Variants in MED27 observed in about 807,000 individuals in gnomAD.
The protein encoded by MED27 is mediator of RNA polymerase II transcription subunit 27.
In MED27, 30 loss-of-function variants were observed where a neutral mutation model predicts 38.2. That is an observed-to-expected ratio of 0.79 (90% confidence interval 0.59 to 1.07). The LOEUF (loss-of-function observed/expected upper bound fraction) is 1.07, where lower values mean the gene tolerates loss of function less well. Ranked by LOEUF, MED27 falls within the 50% of genes least tolerant of loss-of-function variation. The pLI, the probability that MED27 is intolerant of heterozygous loss-of-function variation, is 0.00. For missense variants in MED27, 289 were observed against 397.5 expected, an observed-to-expected ratio of 0.73 and a Z score of 2.32; for synonymous variants, 122 against 153.5, an observed-to-expected ratio of 0.79 and a Z score of 1.52.
chr9:131,911,452 C>T (rs921301486), intron 4 of MED27, among the ~76,000 whole-genome samples: 1 of 152,206 alleles, frequency 6.6e-6, no homozygotes. Context: ...CATGTGTCAG[C>T]TGTCACTGGT....
chr9:131,865,811 T>C (rs1780899258), intron 6 of MED27, among the ~76,000 whole-genome samples: 1 of 152,200 alleles, frequency 6.6e-6, no homozygotes, highest in South Asian at 2.1e-4. Flanking sequence ...TGACCAACAC[T>C]TAAAATTTAG....
intron 3 of MED27, among the ~76,000 whole-genome samples, chr9:131,993,087 T>C (rs1195217610): frequency 6.6e-6 from 1 of 152,184 alleles, no homozygotes; most frequent in Admixed American, 6.5e-5. Context: ...ATCTTTATTT[T>C]CATATGCAGG....
chr9:131,864,469 A>G (rs80328169), intron 6 of MED27, among the ~76,000 whole-genome samples: 11,918 of 152,224 alleles, frequency 0.078, 1,058 homozygotes, highest in East Asian at 0.39. Flanking sequence ...GGCGACAGAG[A>G]CCTGTCTCAA....
rs184731805 is a variant in MED27 at position 131,894,072 on chromosome 9, C to G, written c.574-80G>C. 397 of 1,001,304 alleles carry G rather than the reference C, an allele frequency of 4.0e-4. 5 individuals are homozygous for G. The Middle Eastern group carries it at 7.9e-3, about 20-fold the overall frequency. 62.0% of individuals were successfully genotyped at this position (1,001,304 alleles called of 1,614,324 possible). On this transcript the variant is annotated intron_variant, in intron 4 of 7. Coordinates refer to ENST00000292035, the MANE Select transcript of MED27 (RefSeq NM_004269.4). Reference sequence around the variant, plus strand: ...CAGGGGTGTGAGAAGAAATGACCACCTGGCCAATCCAGTGAGACTGGATTC... The same window carrying G: ...CAGGGGTGTGAGAAGAAATGACCACGTGGCCAATCCAGTGAGACTGGATTC...
chr9:131,979,238 A>G (rs1831678568), intron 3 of MED27, among the ~76,000 whole-genome samples: 1 of 152,160 alleles, frequency 6.6e-6, no homozygotes, highest in South Asian at 2.1e-4. Flanking sequence ...TCTAGGTCAA[A>G]TATGGGACCT....
intron 2 of MED27, among the ~76,000 whole-genome samples, chr9:132,045,413 TACACACACAC>T (rs61360267): frequency 0.015 from 2,225 of 144,464 alleles, 40 homozygotes; most frequent in African/African-American, 0.047. Context: ...AAGAGGAAAT[TACACACACAC>T]ACACACACAC....
chr9:131,888,459 T>G (rs1238711089), intron 5 of MED27, among the ~76,000 whole-genome samples: 2 of 152,202 alleles, frequency 1.3e-5, no homozygotes, highest in African/African-American at 4.8e-5. Flanking sequence ...AGCTGTCACT[T>G]GCGCAGCTCT....
chr9:132,067,217 C>T (rs1833827654), intron 2 of MED27, among the ~76,000 whole-genome samples: 1 of 152,226 alleles, frequency 6.6e-6, no homozygotes, highest in African/African-American at 2.4e-5. Context: ...CTTAGAACAG[C>T]CCTGTGAGAT....
In MED27 at chr9:131,861,862, G is replaced by A. The variant is rs1838658298; in HGVS notation, c.802-1190C>T. On this transcript the variant is annotated intron_variant, in intron 7 of 7. Transcript: ENST00000292035. The surrounding 1 kb of genome is among the most constrained non-coding windows in gnomAD (Gnocchi z 4.4). ...ATCGATCATAGCTCACTGTAACCTT[G>A]AACTCCTGGGCTCAAGCGATCCTCC... 6.6e-6 allele frequency among the ~76,000 whole-genome samples: 1 copy of A among 150,986 alleles called. No individual in the cohort carries two copies. Among genetic ancestry groups the A allele is most frequent in the Admixed American group, 6.6e-5 (1 of 15,104 alleles).
intron 3 of MED27, among the ~76,000 whole-genome samples, chr9:131,980,492 C>G (rs1011900089): frequency 2.0e-5 from 3 of 152,166 alleles, no homozygotes; most frequent in African/African-American, 7.2e-5. Context: ...TTTCATGTGT[C>G]TGCACTTTGT....
At chr9:132,008,997 G>A (rs1007439860) in intron 3 of MED27, among the ~76,000 whole-genome samples, 2 of 152,304 alleles carry the variant, frequency 1.3e-5, no homozygotes, top group Middle Eastern at 3.4e-3. Flanking sequence ...AAGGGCGGCT[G>A]GGCTTCCCCA....
At chr9:132,045,386 C>T (rs1044809853) in intron 2 of MED27, among the ~76,000 whole-genome samples, 1 of 149,068 alleles carries the variant, frequency 6.7e-6, no homozygotes, top group Admixed American at 6.7e-5. Flanking sequence ...AAAGAAAACT[C>T]GAAGATAATG....
At chr9:132,040,437 G>C (rs1484814681) in intron 2 of MED27, among the ~76,000 whole-genome samples, 1 of 152,170 alleles carries the variant, frequency 6.6e-6, no homozygotes, top group African/African-American at 2.4e-5. Flanking sequence ...GCGGCTGGCT[G>C]GTCTTAGGCG....
chr9:131,875,041 G>A (rs1330820373), intron 6 of MED27, among the ~76,000 whole-genome samples: 3 of 152,134 alleles, frequency 2.0e-5, no homozygotes, highest in Non-Finnish European at 1.5e-5. Flanking sequence ...CAGCTCAGCC[G>A]CCAAGGTGCC....
chr9:132,027,308 A>G (rs1832845728), intron 2 of MED27, among the ~76,000 whole-genome samples: 1 of 152,220 alleles, frequency 6.6e-6, no homozygotes, highest in Non-Finnish European at 1.5e-5. Flanking sequence ...CCTCTTAGAG[A>G]CCAGAATGCA....
intron 2 of MED27, among the ~76,000 whole-genome samples, chr9:132,035,830 T>C (rs1168132483): frequency 6.6e-6 from 1 of 152,120 alleles, no homozygotes; most frequent in South Asian, 2.1e-4. Flanking sequence ...CTGGGCATGA[T>C]GGCAGACACC....
intron 4 of MED27, among the ~76,000 whole-genome samples, chr9:131,906,204 G>A (rs1001625793): frequency 6.6e-6 from 1 of 152,186 alleles, no homozygotes; most frequent in Non-Finnish European, 1.5e-5. Context: ...ACTGAGCAGG[G>A]AATACAACAA....
In MED27 at chr9:132,063,204, G is replaced by A. The variant is rs573460628; in HGVS notation, c.348+14238C>T. Among the ~76,000 whole-genome samples the A allele has an allele frequency of 2.0e-5, 3 of 152,312 alleles. No individual in the cohort carries two copies. The South Asian group carries it at 6.2e-4, about 32-fold the overall frequency. On this transcript the variant is annotated intron_variant, in intron 2 of 7. Coordinates refer to ENST00000292035, the MANE Select transcript of MED27 (RefSeq NM_004269.4). ...CAGTGACAATGTTCCCATCTGGGTT[G>A]CTTATGGGAGGCCTATAATAGGCCT...
chr9:131,986,145 T>G (rs1831844325), intron 3 of MED27, among the ~76,000 whole-genome samples: 1 of 152,080 alleles, frequency 6.6e-6, no homozygotes, highest in South Asian at 2.1e-4. Flanking sequence ...TAAGGCTAAT[T>G]TATTACGGAA....
Sources: gnomAD v4.1 joint callset for allele counts (sites outside exome capture counted in the v4.1 genomes callset) on GRCh38, gnomAD v4.1.1 for gene constraint, Gnocchi (gnomAD v3.1) non-coding constraint, MANE v1.5 for transcripts, NCBI Gene and HGNC (gene_info 2026-07-23, HGNC 2026-07-21) for gene names.